Variants in MTMR8 observed in about 807,000 individuals in gnomAD.
The protein encoded by MTMR8 is myotubularin related protein 8.
Under a neutral mutation model 39.3 loss-of-function variants are expected in MTMR8, and 65 were observed. That is an observed-to-expected ratio of 1.65 (90% confidence interval 1.35 to 2.03). The LOEUF is 2.03. Among genes scored for constraint, MTMR8 ranks in the 30% most tolerant of loss-of-function variants. The pLI is 0.00. For missense variants in MTMR8, 777 were observed against 538.9 expected, an observed-to-expected ratio of 1.44 and a Z score of -4.37; for synonymous variants, 245 against 185.2, an observed-to-expected ratio of 1.32 and a Z score of -2.62.
intron 12 of MTMR8, among the ~76,000 whole-genome samples, chrX:64,310,787 G>A (rs1334349310): frequency 3.6e-5 from 4 of 110,968 alleles, no homozygotes; most frequent in Admixed American, 1.9e-4. Flanking sequence ...TGCTGAGAAC[G>A]ACGGTTTCCA....
chrX:64,350,326 TCTAC>T (rs1320705839), intron 4 of MTMR8, among the ~76,000 whole-genome samples: 2 of 110,228 alleles, frequency 1.8e-5, no homozygotes, highest in Non-Finnish European at 3.8e-5. Context: ...TTCCTCCTCC[TCTAC>T]CTGTCTGCTT....
At chrX:64,345,266 T>G (rs1257646096) in intron 6 of MTMR8, 89 bp from the exon 7 acceptor site, 1 of 931,399 alleles carries the variant, frequency 1.1e-6, no homozygotes, top group Admixed American at 2.8e-5. Context: ...CTGAACCGTT[T>G]AAAATCCTAC....
chrX:64,305,768 C>T, intron 12 of MTMR8: 7 of 414,885 alleles, frequency 1.7e-5, no homozygotes, highest in Non-Finnish European at 2.7e-5. Context: ...GAGCTGAAAG[C>T]ATTTCCTGTA....
chrX:64,387,744 G>A (rs932724574), intron 1 of MTMR8, among the ~76,000 whole-genome samples: 2 of 107,695 alleles, frequency 1.9e-5, no homozygotes, highest in Admixed American at 1.0e-4. Flanking sequence ...CAAAAAGGAA[G>A]GGGAGAGAAA....
chrX:64,285,728 G>A (rs1301087401), intron 12 of MTMR8, among the ~76,000 whole-genome samples: 2 of 111,588 alleles, frequency 1.8e-5, no homozygotes, highest in African/African-American at 3.3e-5. Context: ...AATGACTACT[G>A]GGTACATAAC....
At chrX:64,356,542 C>A (rs1488480770) in intron 2 of MTMR8, among the ~76,000 whole-genome samples, 1 of 110,685 alleles carries the variant, frequency 9.0e-6, no homozygotes, top group African/African-American at 3.3e-5. Flanking sequence ...AAGAAGCAGA[C>A]TGCAGTGTTA....
At chrX:64,358,219 A>G (rs1006903702) in intron 2 of MTMR8, among the ~76,000 whole-genome samples, 2 of 111,839 alleles carry the variant, frequency 1.8e-5, no homozygotes, top group Non-Finnish European at 3.8e-5. Flanking sequence ...AAGCCCAAGG[A>G]GTAAGAATCA....
intron 12 of MTMR8, among the ~76,000 whole-genome samples, chrX:64,326,640 C>T (rs961232351): frequency 9.1e-5 from 10 of 110,249 alleles, no homozygotes; most frequent in African/African-American, 3.3e-4. Flanking sequence ...ACAGATTCAA[C>T]GTAATCTCTA....
At position 64,348,807 on chromosome X, in the gene MTMR8, GGT is replaced by G. The variant is rs1275962872; in HGVS notation, c.598-15_598-14del. On this transcript the variant is annotated splice_polypyrimidine_tract_variant and intron_variant, in intron 5 of 13. Coordinates refer to ENST00000374852, the MANE Select transcript of MTMR8 (RefSeq NM_017677.4). ...GGCAAATGGCAGCCTGTAAGGAAAA[GGT>G]GTGTCAGTTGAGTGATTATATTCAC... The G allele has an allele frequency of 1.7e-6, 2 of 1,209,079 alleles. No individual in the cohort carries two copies. The highest frequency in any genetic ancestry group is 1.1e-6 in the Non-Finnish European group (1 of 893,815).
chrX:64,376,792 CA>C (rs1428655181), intron 1 of MTMR8, among the ~76,000 whole-genome samples: 1 of 112,101 alleles, frequency 8.9e-6, no homozygotes, highest in African/African-American at 3.2e-5. Context: ...ATAGCCAAAA[CA>C]ATGGAGAAAA....
intron 12 of MTMR8, among the ~76,000 whole-genome samples, chrX:64,316,883 G>A (rs1349795269): frequency 9.1e-6 from 1 of 109,817 alleles, no homozygotes; most frequent in Non-Finnish European, 1.9e-5. Context: ...GGTCAAGGAA[G>A]GTGGATCACT....
At chrX:64,351,829 T>A (rs755847910) in intron 4 of MTMR8, among the ~76,000 whole-genome samples, 1 of 111,247 alleles carries the variant, frequency 9.0e-6, no homozygotes, top group Non-Finnish European at 1.9e-5. Flanking sequence ...TCATTCCACC[T>A]TCTTCTGCCT....
At chrX:64,331,874 C>T (rs764930426) in intron 10 of MTMR8, 117 bp from the exon 11 acceptor site, 42 of 599,700 alleles carry the variant, frequency 7.0e-5, no homozygotes, top group Non-Finnish European at 1.0e-4. Context: ...AAGGAAACAC[C>T]TCATACCAAA....
chrX:64,308,341 TTG>T (rs1922190074), intron 12 of MTMR8, among the ~76,000 whole-genome samples: 1 of 100,421 alleles, frequency 1.0e-5, no homozygotes, highest in African/African-American at 3.7e-5. Context: ...TTTTTTTTTT[TTG>T]TATTTTTAGT....
intron 12 of MTMR8, among the ~76,000 whole-genome samples, chrX:64,289,663 T>TAAAAAAAAAAAAAAAAAAAAAAAAAAAAA (rs1921332572): frequency 1.2e-5 from 1 of 83,008 alleles, no homozygotes; most frequent in African/African-American, 7.4e-5. Context: ...AAAAAAAAAT[T>TAAAAAAAAAAAAAAAAAAAAAAAAAAAAA]AAGTTGGGAG....
chrX:64,277,451 A>G (rs1307427771), intron 12 of MTMR8, among the ~76,000 whole-genome samples: 1 of 111,480 alleles, frequency 9.0e-6, no homozygotes, highest in African/African-American at 3.3e-5. Flanking sequence ...TGGTGACAAA[A>G]TCTCTCAGCA....
At chrX:64,305,590 G>A (rs1406320617) in intron 12 of MTMR8, 3 of 505,120 alleles carry the variant, frequency 5.9e-6, no homozygotes, top group African/African-American at 2.3e-5. Flanking sequence ...ACAGCTTGAG[G>A]TGCAGCAGTC....
chrX:64,365,204 G>T (rs1923912642), intron 1 of MTMR8, among the ~76,000 whole-genome samples: 1 of 111,263 alleles, frequency 9.0e-6, no homozygotes, highest in Non-Finnish European at 1.9e-5. Context: ...CTATCCAAGG[G>T]AAAGTCCCCA....
chrX:64,334,243 T>C (rs113623288), intron 10 of MTMR8, among the ~76,000 whole-genome samples: 2 of 110,357 alleles, frequency 1.8e-5, no homozygotes, highest in Non-Finnish European at 3.8e-5. Flanking sequence ...CCACCAAACC[T>C]GCCCTGTATT....
Sources: gnomAD v4.1 joint callset for allele counts (sites outside exome capture counted in the v4.1 genomes callset) on GRCh38, gnomAD v4.1.1 for gene constraint, MANE v1.5 for transcripts, NCBI Gene and HGNC (gene_info 2026-07-23, HGNC 2026-07-21) for gene names.